The following ITPR2 variants were observed in gnomAD, a reference collection of about 807,000 sequenced individuals.
The protein encoded by ITPR2 is inositol 1,4,5-trisphosphate receptor type 2, also known as inositol 1,4,5-trisphosphate-gated calcium channel ITPR2.
ITPR2 carries 207 observed loss-of-function variants against 317.1 expected under a neutral mutation model. The ratio of observed to expected loss-of-function variants is 0.65; its 90% confidence interval spans 0.58 to 0.73. The LOEUF (loss-of-function observed/expected upper bound fraction) is 0.73. Among genes scored for constraint, ITPR2 ranks in the 30% least tolerant of loss-of-function variants. The pLI is 0.00. For missense variants in ITPR2, 2,613 were observed against 3,284.0 expected (o/e 0.80, Z 4.99); for synonymous variants, 1,156 against 1,149.1 (o/e 1.01, Z -0.12).
chr12:26,811,574 C>A (rs1253411525), intron 1 of ITPR2, among the ~76,000 whole-genome samples: 1 of 151,718 alleles, frequency 6.6e-6, no homozygotes, highest in Non-Finnish European at 1.5e-5. Flanking sequence ...GTACTCCCAG[C>A]TACTCGGGAG....
intron 9 of ITPR2, among the ~76,000 whole-genome samples, chr12:26,699,115 A>G (rs1948400074): frequency 6.6e-6 from 1 of 151,978 alleles, no homozygotes. Flanking sequence ...CTCAATACAC[A>G]TTAGAATGGT....
intron 34 of ITPR2, among the ~76,000 whole-genome samples, chr12:26,569,473 GA>G (rs1945097869): frequency 6.7e-6 from 1 of 150,178 alleles, no homozygotes; most frequent in South Asian, 2.1e-4. Flanking sequence ...AGGATTACTT[GA>G]ACCCAGGGGA....
At chr12:26,758,714 T>G (rs1382838495) in intron 2 of ITPR2, among the ~76,000 whole-genome samples, 4 of 152,224 alleles carry the variant, frequency 2.6e-5, no homozygotes, top group African/African-American at 9.6e-5. Flanking sequence ...TTTTACTTGC[T>G]GCAACTTACA....
intron 9 of ITPR2, among the ~76,000 whole-genome samples, chr12:26,697,498 G>A (rs962261694): frequency 7.9e-5 from 12 of 152,130 alleles, no homozygotes; most frequent in Non-Finnish European, 1.8e-4. Context: ...AACATAAAGA[G>A]CTAAAATGAT....
chr12:26,798,167 C>G (rs192053141), intron 1 of ITPR2, among the ~76,000 whole-genome samples: 1 of 152,234 alleles, frequency 6.6e-6, no homozygotes, highest in East Asian at 1.9e-4. Flanking sequence ...AACCCTGGCA[C>G]GTCATTCAAC....
intron 36 of ITPR2, among the ~76,000 whole-genome samples, chr12:26,555,671 C>T (rs540337374): frequency 4.6e-5 from 7 of 152,122 alleles, no homozygotes; most frequent in Non-Finnish European, 7.3e-5. Context: ...AACGGAAGAG[C>T]GGCAGATGAG....
At chr12:26,399,098 T>C in intron 53 of ITPR2, 57 bp from the exon 54 acceptor site, 1 of 1,219,596 alleles carries the variant, frequency 8.2e-7, no homozygotes, top group Non-Finnish European at 1.1e-6. Context: ...GCACACTGTC[T>C]AGCATAGAGA....
chr12:26,391,769 T>C (rs1939857270), intron 54 of ITPR2, among the ~76,000 whole-genome samples: 1 of 151,988 alleles, frequency 6.6e-6, no homozygotes, highest in South Asian at 2.1e-4. Context: ...TTCACCATGT[T>C]GGCCAGGCTG....
chr12:26,366,913 T>A (rs1391188755), intron 55 of ITPR2, among the ~76,000 whole-genome samples: 1 of 152,102 alleles, frequency 6.6e-6, no homozygotes, highest in South Asian at 2.1e-4. Flanking sequence ...CAAAAAATCA[T>A]CCAGATGCCA....
intron 54 of ITPR2, among the ~76,000 whole-genome samples, chr12:26,391,463 G>A (rs1231415508): frequency 6.6e-6 from 1 of 151,440 alleles, no homozygotes; most frequent in Non-Finnish European, 1.5e-5. Flanking sequence ...CAGATGAAAT[G>A]GTACATCTGG....
intron 37 of ITPR2, among the ~76,000 whole-genome samples, chr12:26,501,895 C>T (rs1208215949): frequency 6.6e-6 from 1 of 152,178 alleles, no homozygotes; most frequent in East Asian, 1.9e-4. Context: ...TATAAATAAT[C>T]CTCACCAGAC....
At chr12:26,355,972 C>A (rs1938625926) in intron 55 of ITPR2, among the ~76,000 whole-genome samples, 1 of 152,186 alleles carries the variant, frequency 6.6e-6, no homozygotes, top group African/African-American at 2.4e-5. Flanking sequence ...ACATTCTTCA[C>A]TAGATTTTTC....
At chr12:26,741,688 CGT>C (rs140625599) in intron 2 of ITPR2, among the ~76,000 whole-genome samples, 31 of 151,944 alleles carry the variant, frequency 2.0e-4, no homozygotes, top group African/African-American at 7.2e-4. Flanking sequence ...TCTGTGTGTG[CGT>C]GTGTGTGTGT....
chr12:26,366,236 C>T (rs544870966), intron 55 of ITPR2, among the ~76,000 whole-genome samples: 6 of 152,186 alleles, frequency 3.9e-5, no homozygotes, highest in South Asian at 2.1e-4. Flanking sequence ...TAAGAAAATC[C>T]AACTAAATGA....
intron 55 of ITPR2, among the ~76,000 whole-genome samples, chr12:26,350,720 C>G (rs1938453238): frequency 1.3e-5 from 2 of 152,008 alleles, no homozygotes; most frequent in African/African-American, 4.8e-5. Context: ...CCCACCTGGC[C>G]CATTCCTCCT....
chr12:26,446,569 T>C (rs1056013760), intron 45 of ITPR2, among the ~76,000 whole-genome samples: 4 of 152,022 alleles, frequency 2.6e-5, no homozygotes, highest in Admixed American at 2.6e-4. Flanking sequence ...TAATGTGACA[T>C]AATTAATAGT....
rs118129697 is a variant in ITPR2, at chr12:26,482,795, G to A, written c.6012+903C>T. Among the ~76,000 whole-genome samples the A allele has an allele frequency of 5.8e-3, 879 of 152,270 alleles. 4 individuals carry two copies. Among genetic ancestry groups the A allele is most frequent in the Non-Finnish European group, 9.0e-3 (609 of 68,018 alleles). ...ATGTATGTGTGTGTGCATAGACACC[G>A]TGTGTATGTGTGCGTATCTCATGTA... On this transcript the variant is annotated intron_variant, in intron 42 of 56. Coordinates refer to ENST00000381340, the MANE Select transcript of ITPR2 (RefSeq NM_002223.4).
intron 26 of ITPR2, among the ~76,000 whole-genome samples, chr12:26,617,728 G>GGAGGGAAGGAGGA (rs1420689374): frequency 8.0e-4 from 87 of 109,388 alleles, no homozygotes; most frequent in South Asian, 1.2e-3. Context: ...AGGAGGAAGG[G>GGAGGGAAGGAGGA]AGGGAGGGAG....
chr12:26,454,820 G>A (rs2344158), intron 45 of ITPR2, among the ~76,000 whole-genome samples: 126,667 of 152,028 alleles, frequency 0.83, 52,826 homozygotes, highest in Non-Finnish European at 0.86. Context: ...CGTTCAAGTC[G>A]TTTGACCTTT....
Sources: gnomAD v4.1 joint callset for allele counts (sites outside exome capture counted in the v4.1 genomes callset) on GRCh38, gnomAD v4.1.1 for gene constraint, MANE v1.5 for transcripts, NCBI Gene and HGNC (gene_info 2026-07-23, HGNC 2026-07-21) for gene names.